Variants in FAM168A observed in about 807,000 individuals in gnomAD.
FAM168A encodes family with sequence similarity 168 member A.
FAM168A carries 3 observed loss-of-function variants against 28.5 expected under a neutral mutation model. The observed-to-expected ratio is 0.11, with a 90% CI of 0.05 to 0.27. The LOEUF (loss-of-function observed/expected upper bound fraction) is 0.27, where lower values mean the gene tolerates loss of function less well. Ranked by LOEUF, FAM168A falls within the 10% of genes least tolerant of loss-of-function variation. FAM168A has a pLI of 1.00. For synonymous variants in FAM168A, 122 were observed against 124.2 expected (o/e 0.98, Z 0.12); for missense variants, 222 against 311.5 (o/e 0.71, Z 2.16).
chr11:73,409,639 A>C lies in FAM168A; in HGVS notation c.443T>G (p.Val148Gly). The C allele has an allele frequency of 6.2e-7, 1 of 1,610,642 alleles. No homozygotes were observed. The highest frequency in any genetic ancestry group is 8.5e-7 in the Non-Finnish European group (1 of 1,178,274). Reference protein sequence around the residue: ...YAQGAYYTQPVYAAQPHVIHH... With the variant: ...YAQGAYYTQPGYAAQPHVIHH... The stretch of plus-strand genomic sequence containing the variant: ...GATGACATGAGGCTGGGCAGCATAC[A>C]CCGGCTGTGTGTAGTAGGCTCCCTG... The change falls in exon 6 of 8, where the codon GTG becomes GGG. Residue 148 changes from valine to glycine, a missense_variant. Val to Gly is a moderately radical substitution (Grantham distance 109). Coordinates refer to ENST00000356467, the MANE Select transcript of FAM168A (RefSeq NM_015159.3).
At chr11:73,415,918 CGAGA>C (rs1382523302) in intron 4 of FAM168A, among the ~76,000 whole-genome samples, 2 of 152,120 alleles carry the variant, frequency 1.3e-5, no homozygotes, top group Admixed American at 1.3e-4. Flanking sequence ...CCTCCTTTTC[CGAGA>C]AAGAACCTGG....
intron 1 of FAM168A, among the ~76,000 whole-genome samples, chr11:73,470,425 A>G (rs1040763518): frequency 6.6e-6 from 1 of 152,196 alleles, no homozygotes; most frequent in Admixed American, 6.5e-5. Flanking sequence ...GTTTCCCCCC[A>G]GAAAGCACGT....
chr11:73,461,577 G>C (rs1393096477), intron 2 of FAM168A, among the ~76,000 whole-genome samples: 1 of 152,162 alleles, frequency 6.6e-6, no homozygotes, highest in African/African-American at 2.4e-5. Flanking sequence ...AATAGGATGA[G>C]CAGGAGATGG....
At chr11:73,480,610 T>C (rs1056713592) in intron 1 of FAM168A, among the ~76,000 whole-genome samples, 2 of 152,200 alleles carry the variant, frequency 1.3e-5, no homozygotes, top group African/African-American at 4.8e-5. Context: ...ATGTCATTTT[T>C]CTTGGTAGAA....
At chr11:73,586,405 A>AC (rs1944314267) in intron 1 of FAM168A, among the ~76,000 whole-genome samples, 1 of 152,108 alleles carries the variant, frequency 6.6e-6, no homozygotes, top group South Asian at 2.1e-4. Flanking sequence ...ATATAGCAAG[A>AC]CCCCATCTCA....
At chr11:73,573,538 T>A (rs1316795888) in intron 1 of FAM168A, among the ~76,000 whole-genome samples, 3 of 152,228 alleles carry the variant, frequency 2.0e-5, no homozygotes, top group African/African-American at 7.2e-5. Flanking sequence ...ACCCAGAACA[T>A]CATTCTGGCC....
At chr11:73,436,161 G>T (rs571518120) in intron 2 of FAM168A, among the ~76,000 whole-genome samples, 17 of 152,138 alleles carry the variant, frequency 1.1e-4, no homozygotes, top group Non-Finnish European at 1.9e-4. Flanking sequence ...GGATTTTGAT[G>T]TGTACATTTT....
chr11:73,575,251 A>T (rs527316335), intron 1 of FAM168A, among the ~76,000 whole-genome samples: 2 of 152,324 alleles, frequency 1.3e-5, no homozygotes, highest in Admixed American at 1.3e-4. Flanking sequence ...TTTTGGTGAG[A>T]TAATCAAAAT....
At chr11:73,418,895 G>A (rs1480100891) in intron 4 of FAM168A, among the ~76,000 whole-genome samples, 1 of 149,912 alleles carries the variant, frequency 6.7e-6, no homozygotes, top group Non-Finnish European at 1.5e-5. Flanking sequence ...TGCAAGCTCC[G>A]CCTCCCGGGT....
chr11:73,498,048 C>T (rs1854928064), intron 1 of FAM168A, among the ~76,000 whole-genome samples: 1 of 152,156 alleles, frequency 6.6e-6, no homozygotes, highest in South Asian at 2.1e-4. Context: ...ACAAAACAAA[C>T]ACCCCTGCCC....
At chr11:73,479,247 C>T (rs993775943) in intron 1 of FAM168A, among the ~76,000 whole-genome samples, 2 of 152,188 alleles carry the variant, frequency 1.3e-5, no homozygotes, top group African/African-American at 4.8e-5. Flanking sequence ...ATCATTTCAG[C>T]TCTGCTATAC....
intron 6 of FAM168A, among the ~76,000 whole-genome samples, chr11:73,408,390 C>T (rs759353153): frequency 6.6e-6 from 1 of 152,178 alleles, no homozygotes; most frequent in Non-Finnish European, 1.5e-5. Context: ...GAGGCCTCAA[C>T]CATACCCTTA....
intron 1 of FAM168A, among the ~76,000 whole-genome samples, chr11:73,520,806 A>G (rs1943365486): frequency 6.6e-6 from 1 of 151,814 alleles, no homozygotes; most frequent in Admixed American, 6.6e-5. Flanking sequence ...CTCTCTTATC[A>G]GGTGTCAAGC....
chr11:73,503,828 A>G (rs1855058373), intron 1 of FAM168A, among the ~76,000 whole-genome samples: 1 of 152,212 alleles, frequency 6.6e-6, no homozygotes, highest in African/African-American at 2.4e-5. Context: ...GGAGCAGAAC[A>G]GAGACCTCAG....
intron 1 of FAM168A, among the ~76,000 whole-genome samples, chr11:73,496,701 C>A (rs1854884894): frequency 1.3e-5 from 2 of 152,138 alleles, no homozygotes; most frequent in South Asian, 4.1e-4. Context: ...GCTGGGACTA[C>A]AGGCGCCCAC....
intron 1 of FAM168A, among the ~76,000 whole-genome samples, chr11:73,589,747 T>G (rs752982618): frequency 6.6e-6 from 1 of 151,966 alleles, no homozygotes; most frequent in Non-Finnish European, 1.5e-5. Flanking sequence ...GGCAAGATGC[T>G]GAAACCCTGT....
At chr11:73,539,896 C>G (rs935966968) in intron 1 of FAM168A, among the ~76,000 whole-genome samples, 1 of 152,174 alleles carries the variant, frequency 6.6e-6, no homozygotes. Context: ...CCAAGGCAAG[C>G]AGGTTTGGAT....
chr11:73,432,229 T>C (rs922275244), intron 2 of FAM168A, among the ~76,000 whole-genome samples: 4 of 152,224 alleles, frequency 2.6e-5, no homozygotes, highest in Non-Finnish European at 4.4e-5. Context: ...AATGGTACAA[T>C]AAACAATGAC....
intron 2 of FAM168A, among the ~76,000 whole-genome samples, chr11:73,443,855 CT>C (rs1867250119): frequency 1.3e-5 from 2 of 152,094 alleles, no homozygotes; most frequent in South Asian, 2.1e-4. Context: ...CACCAGTGTC[CT>C]TTTTTCCTTC....
Sources: gnomAD v4.1 joint callset for allele counts (sites outside exome capture counted in the v4.1 genomes callset) on GRCh38, gnomAD v4.1.1 for gene constraint, MANE v1.5 for transcripts, NCBI Gene and HGNC (gene_info 2026-07-23, HGNC 2026-07-21) for gene names.